DIAPH3: variants seen among roughly 807,000 people sequenced by gnomAD.
DIAPH3 encodes diaphanous related formin 3, also known as protein diaphanous homolog 3.
In DIAPH3, 117 loss-of-function variants were observed where a neutral mutation model predicts 144.3. That is an observed-to-expected ratio of 0.81 (90% CI 0.70 to 0.95). The LOEUF (loss-of-function observed/expected upper bound fraction) is 0.95. Ranked by LOEUF, DIAPH3 falls within the 40% of genes least tolerant of loss-of-function variation. DIAPH3 has a pLI of 0.00. For synonymous variants in DIAPH3, 519 were observed against 488.9 expected (o/e 1.06, Z -0.81); for missense variants, 1,421 against 1,412.7 (o/e 1.01, Z -0.09).
chr13:59,847,930 C>A (rs2042740904), intron 22 of DIAPH3, among the ~76,000 whole-genome samples: 2 of 152,134 alleles, frequency 1.3e-5, no homozygotes, highest in Admixed American at 1.3e-4. Flanking sequence ...CTCACTTTTC[C>A]AATTAGAATT....
chr13:59,740,940 G>T (rs1288987833), intron 27 of DIAPH3, among the ~76,000 whole-genome samples: 1 of 152,180 alleles, frequency 6.6e-6, no homozygotes, highest in Non-Finnish European at 1.5e-5. Context: ...TATGCCCAAG[G>T]CTGGGAAGAG....
chr13:60,091,152 G>A (rs2057916635), intron 4 of DIAPH3, among the ~76,000 whole-genome samples: 1 of 152,076 alleles, frequency 6.6e-6, no homozygotes, highest in African/African-American at 2.4e-5. Flanking sequence ...TTCCCTAACA[G>A]GGTAGTCTTC....
chr13:59,751,703 T>C (rs1198300522), intron 27 of DIAPH3, among the ~76,000 whole-genome samples: 1 of 152,242 alleles, frequency 6.6e-6, no homozygotes, highest in Non-Finnish European at 1.5e-5. Context: ...GTCTTCTAAA[T>C]AATTTTACAT....
chr13:60,085,063 T>C (rs1299741835), intron 4 of DIAPH3, among the ~76,000 whole-genome samples: 2 of 152,074 alleles, frequency 1.3e-5, no homozygotes, highest in South Asian at 2.1e-4. Flanking sequence ...TGCCACCAAC[T>C]AGGAAGGTGA....
At chr13:59,919,403 G>C (rs2047404322) in intron 18 of DIAPH3, among the ~76,000 whole-genome samples, 1 of 152,010 alleles carries the variant, frequency 6.6e-6, no homozygotes, top group South Asian at 2.1e-4. Context: ...AGGGGATCCA[G>C]AAAGCAACAA....
chr13:59,926,286 C>G (rs1009986062), intron 17 of DIAPH3, among the ~76,000 whole-genome samples: 11 of 152,216 alleles, frequency 7.2e-5, no homozygotes, highest in African/African-American at 2.6e-4. Flanking sequence ...CCTCACCCAG[C>G]AATGTGTCTT....
chr13:59,893,725 A>T (rs567810384), intron 20 of DIAPH3, among the ~76,000 whole-genome samples: 2 of 152,180 alleles, frequency 1.3e-5, no homozygotes, highest in Non-Finnish European at 2.9e-5. Flanking sequence ...ATAATGAACA[A>T]GAGAACCTTT....
chr13:59,783,841 T>C (rs773481047), intron 25 of DIAPH3, among the ~76,000 whole-genome samples: 4 of 152,196 alleles, frequency 2.6e-5, no homozygotes, highest in Admixed American at 6.5e-5. Flanking sequence ...ATTTTGCTTA[T>C]TGATATTATG....
At position 59,991,143 on chromosome 13, in the gene DIAPH3, A is replaced by G; in HGVS notation, c.1361+15T>C. ...TATTAGTGAAAGAAAACATTAGAAT[A>G]CAACTTCCTCTTACCTTATAAAATA... On this transcript the variant is annotated intron_variant, in intron 12 of 27. Transcript: ENST00000400324. 1 of 1,487,370 alleles carries G rather than the reference A, an allele frequency of 6.7e-7. No homozygotes were observed. The highest frequency in any genetic ancestry group is 9.4e-7 in the Non-Finnish European group (1 of 1,069,450). The allele number at this position is 1,487,370 out of a possible 1,614,324, so 92.1% of individuals were successfully genotyped here.
intron 25 of DIAPH3, among the ~76,000 whole-genome samples, chr13:59,802,957 T>TACA (rs2040016158): frequency 6.6e-6 from 1 of 151,982 alleles, no homozygotes; most frequent in South Asian, 2.1e-4. Context: ...GTGCTGGGAT[T>TACA]ACAGGCGTGA....
At chr13:60,144,857 A>G (rs1175985513) in intron 1 of DIAPH3, 2 of 152,192 alleles carry the variant, frequency 1.3e-5, no homozygotes, top group African/African-American at 4.8e-5. Context: ...GGCCAGCTTG[A>G]TTAGAGGTGC....
At chr13:59,793,139 A>G (rs1277140834) in intron 25 of DIAPH3, among the ~76,000 whole-genome samples, 2 of 152,194 alleles carry the variant, frequency 1.3e-5, no homozygotes, top group African/African-American at 4.8e-5. Flanking sequence ...CTACAAATGT[A>G]TCTGCACTTA....
chr13:59,836,735 A>G (rs2139748844), intron 23 of DIAPH3, among the ~76,000 whole-genome samples: 1 of 152,104 alleles, frequency 6.6e-6, no homozygotes, highest in South Asian at 2.1e-4. Flanking sequence ...TACATTGTTA[A>G]CAAATTTAAA....
In DIAPH3 at chr13:60,037,682, G is replaced by C. The variant is rs549197152; in HGVS notation, c.626+5008C>G. ...AAAGAAGAAATGAGGAGGAGCAGGA[G>C]CAGTTTGGATGATGAACCTGGAAAA... On this transcript the variant is annotated intron_variant, in intron 5 of 27. Transcript: ENST00000400324. 7.2e-5 allele frequency among the ~76,000 whole-genome samples: 11 copies of C among 152,116 alleles called. No individual in the cohort carries two copies. In the South Asian group the frequency reaches 2.1e-3, roughly 29 times the overall value.
At chr13:59,762,460 GA>G (rs944822975) in intron 27 of DIAPH3, among the ~76,000 whole-genome samples, 11 of 128,868 alleles carry the variant, frequency 8.5e-5, no homozygotes, top group Non-Finnish European at 1.3e-4. Flanking sequence ...ATAAAGGTGT[GA>G]AAAAGAGGCA....
At chr13:59,791,485 T>C (rs1431878170) in intron 25 of DIAPH3, among the ~76,000 whole-genome samples, 1 of 152,080 alleles carries the variant, frequency 6.6e-6, no homozygotes, top group Non-Finnish European at 1.5e-5. Context: ...AACTTGGAGC[T>C]CAAAAAGGTA....
At chr13:59,789,524 A>G (rs1236003735) in intron 25 of DIAPH3, among the ~76,000 whole-genome samples, 2 of 152,326 alleles carry the variant, frequency 1.3e-5, no homozygotes, top group East Asian at 3.9e-4. Flanking sequence ...GCTTAATTCA[A>G]TAAGAATTAA....
intron 5 of DIAPH3, among the ~76,000 whole-genome samples, chr13:60,032,101 G>T (rs1378409187): frequency 6.6e-6 from 1 of 152,150 alleles, no homozygotes; most frequent in African/African-American, 2.4e-5. Flanking sequence ...TTGGTACAAG[G>T]GGTGGGCTCC....
At chr13:60,044,202 C>T (rs141994927) in intron 4 of DIAPH3, 182 of 152,234 alleles carry the variant, frequency 1.2e-3, no homozygotes, top group African/African-American at 4.1e-3. Context: ...ACAGATTCAC[C>T]ATCCAACGGC....
Sources: gnomAD v4.1 joint callset for allele counts (sites outside exome capture counted in the v4.1 genomes callset) on GRCh38, gnomAD v4.1.1 for gene constraint, MANE v1.5 for transcripts, NCBI Gene and HGNC (gene_info 2026-07-23, HGNC 2026-07-21) for gene names.